Variants in MAF observed in about 807,000 individuals in gnomAD.
The protein encoded by MAF is MAF bZIP transcription factor.
In MAF, 10 loss-of-function variants were observed where a neutral mutation model predicts 22.0. The observed-to-expected ratio is 0.45, with a 90% confidence interval of 0.28 to 0.77. The LOEUF (loss-of-function observed/expected upper bound fraction) is 0.77. Ranked by LOEUF, MAF falls within the 30% of genes least tolerant of loss-of-function variation. The pLI is 0.12. For synonymous variants in MAF, 337 were observed against 255.8 expected, an observed-to-expected ratio of 1.32 and a Z score of -3.03; for missense variants, 544 against 548.4, an observed-to-expected ratio of 0.99 and a Z score of 0.08.
At chr16:79,251,173 C>T in the MAF span, among the ~76,000 whole-genome samples, 1 of 152,204 alleles carries the variant, frequency 6.6e-6, no homozygotes, top group African/African-American at 2.4e-5. Context: ...GATTCCAAAA[C>T]TGACCAACCT....
chr16:79,332,957 C>T, the MAF span, among the ~76,000 whole-genome samples: 112,760 of 152,146 alleles, frequency 0.74, 43,672 homozygotes, highest in Non-Finnish European at 0.87. Context: ...TGTCTTTTTG[C>T]ACGTCACTGC....
the MAF span, among the ~76,000 whole-genome samples, chr16:79,407,360 A>G: frequency 6.6e-6 from 1 of 152,200 alleles, no homozygotes; most frequent in Non-Finnish European, 1.5e-5. Context: ...TGTGACCATA[A>G]AGGATATAAC....
chr16:79,579,529 C>G, the MAF span, among the ~76,000 whole-genome samples: 1 of 151,770 alleles, frequency 6.6e-6, no homozygotes, highest in Non-Finnish European at 1.5e-5. Flanking sequence ...TTATAAATTA[C>G]AAGTCACTTT....
Position 79,600,093 on chromosome 16 carries a change from CCCCCGCG to C in MAF, c.-198_-192del. Reference sequence around the variant, plus strand: ...ACACACCCCCCCGCCCTGCCCGCGCCCCCCGCGCCCGCCCTCCCTCCCCCCTGCTCAC... The same window carrying C: ...ACACACCCCCCCGCCCTGCCCGCGCCCCCGCCCTCCCTCCCCCCTGCTCAC... On this transcript the variant is annotated 5_prime_UTR_variant, in exon 1 of 2. Coordinates refer to ENST00000326043, the MANE Select transcript of MAF (RefSeq NM_005360.5). 2 of 654,198 alleles carry C rather than the reference CCCCCGCG, an allele frequency of 3.1e-6. No individual in the cohort carries two copies. Among genetic ancestry groups the C allele is most frequent in the Non-Finnish European group, 4.9e-6 (2 of 411,102 alleles). The allele number at this position is 654,198 out of a possible 1,614,324, so 40.5% of individuals were successfully genotyped here.
the MAF span, among the ~76,000 whole-genome samples, chr16:79,240,417 A>G: frequency 1.4e-5 from 2 of 146,952 alleles, 1 homozygote; most frequent in Non-Finnish European, 3.0e-5. Context: ...CTCTCTAGCC[A>G]ACATCATCTT....
At chr16:79,215,771 C>G in the MAF span, among the ~76,000 whole-genome samples, 1 of 152,106 alleles carries the variant, frequency 6.6e-6, no homozygotes, top group Non-Finnish European at 1.5e-5. Context: ...TAAAGTAAAC[C>G]CCTCCACAGC....
chr16:79,389,552 G>A, the MAF span, among the ~76,000 whole-genome samples: 16 of 151,716 alleles, frequency 1.1e-4, no homozygotes, highest in East Asian at 3.9e-4. Flanking sequence ...CTGAGCCACC[G>A]CGTCCAGCTA....
the MAF span, among the ~76,000 whole-genome samples, chr16:79,304,715 T>G: frequency 6.6e-6 from 1 of 152,208 alleles, no homozygotes; most frequent in Non-Finnish European, 1.5e-5. Context: ...ATCATACATA[T>G]TTTGTTTCAG....
chr16:79,350,244 G>A, the MAF span, among the ~76,000 whole-genome samples: 8 of 152,146 alleles, frequency 5.3e-5, no homozygotes, highest in Non-Finnish European at 1.2e-4. Flanking sequence ...ATGAGCAGGC[G>A]AGTAAGTTAA....
In MAF at chr16:79,600,004, C is replaced by G. The variant is rs1913913063; in HGVS notation, c.-102G>C. ...GTGGCCAGCGGGTGAGCCAGCTTGC[C>G]GGGCTGGGGCGCTTCTAGCTTGCGC... On this transcript the variant is annotated 5_prime_UTR_variant, in exon 1 of 2. Coordinates refer to ENST00000326043, the MANE Select transcript of MAF (RefSeq NM_005360.5). 4 of 1,527,500 alleles carry G rather than the reference C, an allele frequency of 2.6e-6. No homozygotes were observed. The highest frequency in any genetic ancestry group is 3.6e-6 in the Non-Finnish European group (4 of 1,126,706). 94.6% of individuals were successfully genotyped at this position (1,527,500 alleles called of 1,614,324 possible). A position where few individuals can be genotyped will look rare whatever the true frequency, so the allele number is the denominator to read the frequency against.
At chr16:79,508,045 T>C in the MAF span, among the ~76,000 whole-genome samples, 1 of 152,086 alleles carries the variant, frequency 6.6e-6, no homozygotes, top group South Asian at 2.1e-4. Context: ...ACGTGAGGAC[T>C]AGATTTGCAG....
chr16:79,358,041 G>A, the MAF span, among the ~76,000 whole-genome samples: 2 of 152,320 alleles, frequency 1.3e-5, no homozygotes, highest in South Asian at 4.1e-4. Context: ...TTGCCACCAA[G>A]CAGTACCTTG....
At chr16:79,479,445 G>C in the MAF span, among the ~76,000 whole-genome samples, 1 of 152,198 alleles carries the variant, frequency 6.6e-6, no homozygotes, top group African/African-American at 2.4e-5. Context: ...TTTAAGACCT[G>C]CCTTGGCACT....
the MAF span, among the ~76,000 whole-genome samples, chr16:79,220,127 G>A: frequency 6.6e-6 from 1 of 151,834 alleles, no homozygotes; most frequent in Non-Finnish European, 1.5e-5. Context: ...GTGGTGGTGG[G>A]CACCTGTAGT....
In MAF at chr16:79,599,964, A is replaced by G; in HGVS notation, c.-62T>C. The G allele has an allele frequency of 6.3e-7, 1 of 1,595,050 alleles. No homozygotes were observed. The highest frequency in any genetic ancestry group is 1.1e-5 in the South Asian group (1 of 90,854). ...CCAGATGGGCTGCAGGAGAGGGGCC[A>G]GCGGGCTGTGCTGGGTGGCCAGCGG... is the stretch of plus-strand genomic sequence containing the variant. On this transcript the variant is annotated 5_prime_UTR_variant, in exon 1 of 2. Transcript: ENST00000326043.
chr16:79,533,617 A>T, the MAF span, among the ~76,000 whole-genome samples: 1 of 152,084 alleles, frequency 6.6e-6, no homozygotes, highest in Non-Finnish European at 1.5e-5. Context: ...TCATAACCCA[A>T]ACTTTTGTCC....
the MAF span, among the ~76,000 whole-genome samples, chr16:79,272,112 C>G: frequency 6.6e-6 from 1 of 152,152 alleles, no homozygotes; most frequent in Non-Finnish European, 1.5e-5. Context: ...AAAACCTTTG[C>G]CTAGTGGGCA....
At chr16:79,363,838 A>G in the MAF span, among the ~76,000 whole-genome samples, 1 of 152,318 alleles carries the variant, frequency 6.6e-6, no homozygotes, top group South Asian at 2.1e-4. Flanking sequence ...GAGAAGGAAC[A>G]AATATCTGGA....
the MAF span, among the ~76,000 whole-genome samples, chr16:79,263,398 C>T: frequency 2.0e-5 from 3 of 152,166 alleles, no homozygotes; most frequent in Non-Finnish European, 4.4e-5. Flanking sequence ...CTGGAAGTGT[C>T]CTAAGAGAAG....
Sources: allele counts gnomAD v4.1 joint callset (sites outside exome capture counted in the v4.1 genomes callset), GRCh38; gene constraint gnomAD v4.1.1; transcripts MANE v1.5; gene names NCBI Gene and HGNC (gene_info 2026-07-23, HGNC 2026-07-21).